Variants in MAP4K4 observed in about 807,000 individuals in gnomAD.
MAP4K4 encodes the protein mitogen-activated protein kinase kinase kinase kinase 4.
In MAP4K4, 38 loss-of-function variants were observed where a neutral mutation model predicts 189.6. That is an observed-to-expected ratio of 0.20 (90% CI 0.15 to 0.26). The LOEUF (loss-of-function observed/expected upper bound fraction) is 0.26, where lower values mean the gene tolerates loss of function less well. Ranked by LOEUF, MAP4K4 falls within the 10% of genes least tolerant of loss-of-function variation. MAP4K4 has a pLI of 1.00. For synonymous variants in MAP4K4, 610 were observed against 624.3 expected (o/e 0.98, Z 0.34); for missense variants, 1,054 against 1,726.9 (o/e 0.61, Z 6.91).
exon 33 of MAP4K4, chr2:101,894,113 C>T (rs933275680): frequency 5.2e-5 from 8 of 152,554 alleles, no homozygotes; most frequent in Non-Finnish European, 1.0e-4. Flanking sequence ...GAATTATTTT[C>T]CCCCCTTTTA....
chr2:101,707,645 T>C (rs539497388), intron 2 of MAP4K4, among the ~76,000 whole-genome samples: 404 of 151,796 alleles, frequency 2.7e-3, no homozygotes, highest in Non-Finnish European at 4.8e-3. Flanking sequence ...CTTGAATAGC[T>C]GGGACTACAG....
chr2:101,849,958 T>A (rs2097229689), intron 12 of MAP4K4, among the ~76,000 whole-genome samples: 1 of 152,182 alleles, frequency 6.6e-6, no homozygotes, highest in Admixed American at 6.5e-5. Flanking sequence ...TACTTGTAAT[T>A]TGAACAGTAC....
intron 12 of MAP4K4, among the ~76,000 whole-genome samples, chr2:101,847,368 C>T (rs746397225): frequency 1.3e-4 from 20 of 152,176 alleles, no homozygotes; most frequent in Non-Finnish European, 2.8e-4. Flanking sequence ...GAGCCTTAGG[C>T]AGGTCCTTCA....
At chr2:101,813,184 G>A (rs1356224598) in intron 3 of MAP4K4, among the ~76,000 whole-genome samples, 3 of 152,180 alleles carry the variant, frequency 2.0e-5, no homozygotes, top group Admixed American at 6.5e-5. Context: ...TATGAAGTTA[G>A]AGGTTTATGT....
intron 28 of MAP4K4, among the ~76,000 whole-genome samples, chr2:101,883,284 C>A (rs1290682022): frequency 6.6e-6 from 1 of 152,200 alleles, no homozygotes; most frequent in East Asian, 1.9e-4. Context: ...TTCTCCTTGG[C>A]ATGAAGCAGT....
At chr2:101,739,326 A>T (rs543987875) in intron 2 of MAP4K4, among the ~76,000 whole-genome samples, 1 of 152,216 alleles carries the variant, frequency 6.6e-6, no homozygotes, top group South Asian at 2.1e-4. Context: ...ACATTTATGA[A>T]GTCATCTTAG....
Position 101,844,084 on chromosome 2 carries a change from C to T in MAP4K4, c.1023-17C>T. ...GTGATCGGTGCACACCCCTGAAAGC[C>T]CTGCTTTTTCCAACAGTTCCATTGT... On this transcript the variant is annotated splice_polypyrimidine_tract_variant and intron_variant, in intron 11 of 32. Coordinates refer to ENST00000324219, the Ensembl canonical transcript of MAP4K4. The T allele has an allele frequency of 6.3e-7, 1 of 1,597,890 alleles. No homozygotes were observed. Among genetic ancestry groups the T allele is most frequent in the Non-Finnish European group, 8.5e-7 (1 of 1,169,854 alleles).
At chr2:101,778,957 C>T (rs933963189) in intron 2 of MAP4K4, among the ~76,000 whole-genome samples, 3 of 152,178 alleles carry the variant, frequency 2.0e-5, no homozygotes, top group Admixed American at 6.5e-5. Context: ...ACCTTCGGCT[C>T]GTTTTTCTAA....
Position 101,873,514 on chromosome 2 carries a change from G to A in MAP4K4, c.2953-133G>A. On this transcript the variant is annotated intron_variant, in intron 24 of 32. Coordinates refer to ENST00000324219, the Ensembl canonical transcript of MAP4K4. Reference sequence around the variant, plus strand: ...GGAAGCTCCCCGCAGAGCATTTTTTGGGGGAATGATGCAAGGCAAATAGAG... The same window carrying A: ...GGAAGCTCCCCGCAGAGCATTTTTTAGGGGAATGATGCAAGGCAAATAGAG... 1.2e-5 allele frequency: 7 copies of A among 565,760 alleles called. 1 individual carries two copies. Among genetic ancestry groups the A allele is most frequent in the South Asian group, 1.2e-4 (6 of 52,074 alleles). The allele number at this position is 565,760 out of a possible 1,614,324, so 35.0% of individuals were successfully genotyped here.
At chr2:101,729,449 G>C (rs1444871981) in intron 2 of MAP4K4, among the ~76,000 whole-genome samples, 1 of 152,156 alleles carries the variant, frequency 6.6e-6, no homozygotes, top group African/African-American at 2.4e-5. Flanking sequence ...TGTTATAGGT[G>C]TCTTGGGTGG....
intron 2 of MAP4K4, among the ~76,000 whole-genome samples, chr2:101,731,812 A>G (rs2058640826): frequency 6.6e-6 from 1 of 151,932 alleles, no homozygotes; most frequent in South Asian, 2.1e-4. Flanking sequence ...AATTTTGAAA[A>G]TAAACCAGAA....
rs564854167 is a variant in MAP4K4 at position 101,717,985 on chromosome 2, G to A, written c.123+19447G>A. ...AAAAAAAGCTATCTTGGCCAGGCATGGTGGCTTATGCCTGTAATCCCAGCA... is the reference window on the plus strand; with the variant it reads ...AAAAAAAGCTATCTTGGCCAGGCATAGTGGCTTATGCCTGTAATCCCAGCA... On this transcript the variant is annotated intron_variant, in intron 2 of 32. Transcript: ENST00000324219. 2.2e-4 allele frequency among the ~76,000 whole-genome samples: 33 copies of A among 151,866 alleles called. No individual in the cohort carries two copies. In the East Asian group the frequency reaches 3.7e-3, roughly 17 times the overall value.
chr2:101,791,559 A>G (rs1276669590), intron 3 of MAP4K4, among the ~76,000 whole-genome samples: 1 of 152,190 alleles, frequency 6.6e-6, no homozygotes, highest in Non-Finnish European at 1.5e-5. Flanking sequence ...TCAATATCAT[A>G]TTTCACAGAT....
chr2:101,813,618 G>A (rs573382074), intron 3 of MAP4K4, among the ~76,000 whole-genome samples: 55 of 152,148 alleles, frequency 3.6e-4, no homozygotes, highest in African/African-American at 6.0e-4. Context: ...AGGTAATGAC[G>A]TACATAGTTA....
chr2:101,765,002 A>C (rs1328051002), intron 2 of MAP4K4, among the ~76,000 whole-genome samples: 6 of 152,214 alleles, frequency 3.9e-5, no homozygotes, highest in Non-Finnish European at 8.8e-5. Flanking sequence ...CAGATGGTCC[A>C]AAAAATGTTA....
At chr2:101,840,999 T>C (rs1336604431) in intron 10 of MAP4K4, among the ~76,000 whole-genome samples, 1 of 152,230 alleles carries the variant, frequency 6.6e-6, no homozygotes, top group Non-Finnish European at 1.5e-5. Context: ...TCAATTGACA[T>C]GGAAGCGCTG....
intron 2 of MAP4K4, among the ~76,000 whole-genome samples, chr2:101,704,537 G>GTATA (rs1559012952): frequency 1.3e-5 from 1 of 74,262 alleles, no homozygotes; most frequent in African/African-American, 8.0e-5. Flanking sequence ...GTGTGTGTGT[G>GTATA]TGTGTATATA....
At chr2:101,776,124 C>G (rs1480450558) in intron 2 of MAP4K4, among the ~76,000 whole-genome samples, 1 of 152,188 alleles carries the variant, frequency 6.6e-6, no homozygotes, top group East Asian at 1.9e-4. Flanking sequence ...GGCAGTTACT[C>G]TGAATTATTT....
intron 5 of MAP4K4, among the ~76,000 whole-genome samples, chr2:101,829,171 G>A (rs2096501642): frequency 6.6e-6 from 1 of 152,172 alleles, no homozygotes; most frequent in African/African-American, 2.4e-5. Flanking sequence ...TTTAGCGTGG[G>A]AAAGGAACCA....
Sources: allele counts gnomAD v4.1 joint callset (sites outside exome capture counted in the v4.1 genomes callset), GRCh38; gene constraint gnomAD v4.1.1; transcripts MANE v1.5; gene names NCBI Gene and HGNC (gene_info 2026-07-23, HGNC 2026-07-21).